Variants in PTPN3 observed in about 807,000 individuals in gnomAD.
PTPN3 encodes the protein protein tyrosine phosphatase non-receptor type 3.
PTPN3 carries 96 observed loss-of-function variants against 132.7 expected under a neutral mutation model. The ratio of observed to expected loss-of-function variants is 0.72; its 90% CI spans 0.61 to 0.86. The LOEUF is 0.86. PTPN3 is among the 40% of genes least tolerant of loss of function. PTPN3 has a pLI of 0.00. For synonymous variants in PTPN3, 398 were observed against 429.0 expected (o/e 0.93, Z 0.89); for missense variants, 1,125 against 1,159.6 (o/e 0.97, Z 0.43).
intron 1 of PTPN3, among the ~76,000 whole-genome samples, chr9:109,497,762 C>T (rs541947536): frequency 1.3e-5 from 2 of 152,180 alleles, no homozygotes; most frequent in South Asian, 4.1e-4. Flanking sequence ...AGCCGAGAGG[C>T]GGATTCGCCC....
chr9:109,432,940 T>A, intron 10 of PTPN3, 133 bp downstream of exon 10: 1 of 1,409,468 alleles, frequency 7.1e-7, no homozygotes, highest in East Asian at 2.5e-5. Flanking sequence ...AATTTAGAGG[T>A]CAGAGTAAAA....
chr9:109,481,894 C>A (rs1022543431), intron 1 of PTPN3, among the ~76,000 whole-genome samples: 2 of 152,178 alleles, frequency 1.3e-5, no homozygotes, highest in Non-Finnish European at 2.9e-5. Context: ...CATAGGCTGT[C>A]CAGCGCTCCT....
chr9:109,394,228 A>C (rs1316503982), intron 19 of PTPN3, among the ~76,000 whole-genome samples: 2 of 152,240 alleles, frequency 1.3e-5, no homozygotes, highest in African/African-American at 4.8e-5. Context: ...GAACATAGTA[A>C]AGCTAACCTG....
chr9:109,422,984 G>C (rs186598099), intron 12 of PTPN3, 132 bp from the exon 13 acceptor site: 3 of 1,118,694 alleles, frequency 2.7e-6, no homozygotes, highest in Middle Eastern at 2.3e-4. Context: ...ATGGGGAGTA[G>C]AGGGAGACAG....
chr9:109,433,261 T>G (rs1362369856), intron 9 of PTPN3, 100 bp from the exon 10 acceptor site: 25 of 1,480,980 alleles, frequency 1.7e-5, no homozygotes, highest in Non-Finnish European at 2.1e-5. Context: ...GTCATATGTA[T>G]AGGCTCCAAA....
chr9:109,506,389 A>G, the PTPN3 span, among the ~76,000 whole-genome samples: 1 of 152,218 alleles, frequency 6.6e-6, no homozygotes, highest in Non-Finnish European at 1.5e-5. Context: ...TGAGTGGGGC[A>G]GAGGAGGGAT....
At chr9:109,512,660 T>C in the PTPN3 span, among the ~76,000 whole-genome samples, 19 of 152,186 alleles carry the variant, frequency 1.2e-4, no homozygotes, top group Admixed American at 1.1e-3. Context: ...TAATCATAAG[T>C]ATGACATAAA....
chr9:109,384,932 A>T (rs1015087424), intron 22 of PTPN3, among the ~76,000 whole-genome samples: 8 of 152,212 alleles, frequency 5.3e-5, no homozygotes, highest in Non-Finnish European at 1.0e-4. Context: ...CTTAGACATG[A>T]CAGGTTAAGG....
chr9:109,406,337 G>A, intron 18 of PTPN3, 125 bp downstream of exon 18: 1 of 1,270,178 alleles, frequency 7.9e-7, no homozygotes, highest in East Asian at 2.3e-5. Context: ...GTTATTACCT[G>A]AAGATTCTTG....
At chr9:109,435,790 A>C (rs1445198982) in intron 9 of PTPN3, among the ~76,000 whole-genome samples, 1 of 152,230 alleles carries the variant, frequency 6.6e-6, no homozygotes, top group African/African-American at 2.4e-5. Context: ...CTAAGATAAA[A>C]TATTATTTGC....
chr9:109,518,615 G>A, the PTPN3 span, among the ~76,000 whole-genome samples: 1 of 152,016 alleles, frequency 6.6e-6, no homozygotes, highest in African/African-American at 2.4e-5. Context: ...AGACTCCCCT[G>A]CCTCCATCCA....
intron 19 of PTPN3, among the ~76,000 whole-genome samples, chr9:109,399,797 T>C (rs12555398): frequency 0.46 from 69,147 of 151,816 alleles, 16,072 homozygotes; most frequent in South Asian, 0.7. Context: ...TGCTGGGGAA[T>C]AGCCCCTTCC....
the PTPN3 span, among the ~76,000 whole-genome samples, chr9:109,522,502 A>G: frequency 6.6e-6 from 1 of 152,248 alleles, no homozygotes; most frequent in African/African-American, 2.4e-5. Context: ...CCAACCTTGC[A>G]GCTATTACAC....
intron 8 of PTPN3, among the ~76,000 whole-genome samples, chr9:109,437,525 T>C (rs2131933067): frequency 6.6e-6 from 1 of 152,316 alleles, no homozygotes; most frequent in Admixed American, 6.5e-5. Context: ...GTGGCCTTTA[T>C]TTGACCTGGA....
intron 19 of PTPN3, chr9:109,392,570 A>G (rs1840217353): frequency 6.6e-6 from 1 of 152,188 alleles, no homozygotes; most frequent in Admixed American, 6.5e-5. Context: ...TATGTTTTTA[A>G]AAGCAAAAAA....
intron 13 of PTPN3, among the ~76,000 whole-genome samples, chr9:109,420,907 CAGG>C (rs1192946283): frequency 6.6e-6 from 1 of 152,152 alleles, no homozygotes; most frequent in African/African-American, 2.4e-5. Context: ...GTTATTCTTC[CAGG>C]AGGACTCAAG....
intron 1 of PTPN3, among the ~76,000 whole-genome samples, chr9:109,485,368 C>T (rs990286100): frequency 2.0e-5 from 3 of 151,938 alleles, no homozygotes; most frequent in African/African-American, 7.3e-5. Context: ...ATTAGCTGGG[C>T]GTGGTGGTGG....
chr9:109,428,788 G>A (rs1468491871), intron 10 of PTPN3, 104 bp from the exon 11 acceptor site: 5 of 1,469,556 alleles, frequency 3.4e-6, no homozygotes, highest in Non-Finnish European at 4.5e-6. Context: ...CCTGATGAGT[G>A]GGGGCTCTTG....
At chr9:109,417,412 T>C (rs1335654369) in intron 14 of PTPN3, among the ~76,000 whole-genome samples, 1 of 152,272 alleles carries the variant, frequency 6.6e-6, no homozygotes, top group South Asian at 2.1e-4. Context: ...GTCTGTGATA[T>C]TATTCATCCG....
Sources: allele counts gnomAD v4.1 joint callset (sites outside exome capture counted in the v4.1 genomes callset), GRCh38; gene constraint gnomAD v4.1.1; transcripts MANE v1.5; gene names NCBI Gene and HGNC (gene_info 2026-07-23, HGNC 2026-07-21).